The following NLGN3 variants were observed in gnomAD, a reference collection of about 807,000 sequenced individuals.
NLGN3 encodes neuroligin 3.
A neutral mutation model predicts 42.9 loss-of-function variants in NLGN3; 11 were observed. The observed-to-expected ratio is 0.26, with a 90% CI of 0.16 to 0.42. The LOEUF is 0.42. NLGN3 is among the 10% of genes least tolerant of loss of function. The pLI is 1.00. For synonymous variants in NLGN3, 279 were observed against 312.7 expected, an observed-to-expected ratio of 0.89 and a Z score of 1.14; for missense variants, 374 against 733.8, an observed-to-expected ratio of 0.51 and a Z score of 5.67.
intron 5 of NLGN3, among the ~76,000 whole-genome samples, chrX:71,156,553 A>G (rs2092409846): frequency 9.1e-6 from 1 of 109,984 alleles, no homozygotes; most frequent in African/African-American, 3.3e-5. Flanking sequence ...TACAGCCTGT[A>G]TATGTACACC....
intron 5 of NLGN3, among the ~76,000 whole-genome samples, chrX:71,160,035 G>C (rs1163524183): frequency 9.6e-6 from 1 of 103,659 alleles, no homozygotes; most frequent in Non-Finnish European, 2.0e-5. Flanking sequence ...TGCACCCGGC[G>C]GGGAATTTTC....
downstream of NLGN3, among the ~76,000 whole-genome samples, chrX:71,173,637 G>A (rs2092474461): frequency 8.9e-6 from 1 of 112,593 alleles, no homozygotes; most frequent in African/African-American, 3.2e-5. Context: ...ATCTGAATTT[G>A]TAGTGTGTGT....
chrX:71,168,853 GAAAGAAAGAAAGAAAGAGAA>G (rs1569485686), intron 7 of NLGN3, among the ~76,000 whole-genome samples: 25 of 85,104 alleles, frequency 2.9e-4, no homozygotes, highest in African/African-American at 1.6e-3. Context: ...AAGAAAGAAA[GAAAGAAAGAAAGAAAGAGAA>G]AGAAAAGAAA....
downstream of NLGN3, among the ~76,000 whole-genome samples, chrX:71,174,190 T>G (rs1313176307): frequency 8.9e-6 from 1 of 111,993 alleles, no homozygotes; most frequent in Non-Finnish European, 1.9e-5. Flanking sequence ...AAGGACAAGG[T>G]GAACACCAGA....
At chrX:71,151,715 A>G (rs958858765) in intron 3 of NLGN3, among the ~76,000 whole-genome samples, 2 of 112,357 alleles carry the variant, frequency 1.8e-5, no homozygotes, top group African/African-American at 6.5e-5. Flanking sequence ...AGAGGGATTC[A>G]CAAGGGACTT....
rs551564915 is a variant in NLGN3, at chrX:71,168,825, GAA to G, written c.1704-427_1704-426del. Among the ~76,000 whole-genome samples, 72 of 37,922 alleles carry G rather than the reference GAA, an allele frequency of 1.9e-3. 1 individual carries two copies. The highest frequency in any genetic ancestry group is 8.5e-3 in the African/African-American group (67 of 7,926). 32.9% of individuals were successfully genotyped at this position (37,922 alleles called of 115,157 possible). A position where few individuals can be genotyped will look rare whatever the true frequency, so the allele number is the denominator to read the frequency against. The stretch of plus-strand genomic sequence containing the variant: ...GAAAGAAAGAAAGAGAAAAAAAAAA[GAA>G]AGAAAGAAAGAAAGAAAGAAAGAAA... On this transcript the variant is annotated intron_variant, in intron 7 of 7. Transcript: ENST00000358741.
chrX:71,150,695 C>G (rs1160434587), intron 3 of NLGN3, among the ~76,000 whole-genome samples: 9 of 93,152 alleles, frequency 9.7e-5, no homozygotes, highest in Non-Finnish European at 1.7e-4. Context: ...GAGCGAGACT[C>G]CATCTCAAAA....
At position 71,169,931 on chromosome X, in the gene NLGN3, T is replaced by A. The variant is rs1360729193; in HGVS notation, c.2381T>A (p.Leu794Gln). Residue 794 changes from leucine to glutamine, a missense_variant, in exon 8 of 8, where the codon CTG (leucine) becomes CAG (glutamine). Around this residue, in one of 6 missense-constraint regions of NLGN3, gnomAD observed 92 missense variants for 108.0 expected, o/e 0.85. Coordinates refer to ENST00000358741, the MANE Select transcript of NLGN3 (RefSeq NM_181303.2). ...CTCACTGCATTGCCCGACTACACCC[T>A]GACCCTGCGGCGCTCCCCGGATGAC... ...LRLTALPDYT[L>Q]TLRRSPDDIP... 1 of 1,201,013 alleles carries A rather than the reference T, an allele frequency of 8.3e-7. No homozygotes were observed. The highest frequency in any genetic ancestry group is 1.1e-6 in the Non-Finnish European group (1 of 890,961).
intron 7 of NLGN3, among the ~76,000 whole-genome samples, chrX:71,168,968 C>A (rs1285133667): frequency 9.1e-6 from 1 of 109,840 alleles, no homozygotes; most frequent in Non-Finnish European, 1.9e-5. Flanking sequence ...TATTAGGGGG[C>A]TCCTGGCAAA....
intron 5 of NLGN3, among the ~76,000 whole-genome samples, chrX:71,159,020 G>A (rs369690607): frequency 9.0e-6 from 1 of 110,800 alleles, no homozygotes; most frequent in Non-Finnish European, 1.9e-5. Context: ...ATGCATGTGC[G>A]CACACACACA....
intron 2 of NLGN3, 120 bp from the exon 3 acceptor site, chrX:71,148,726 C>A: frequency 1.8e-6 from 1 of 548,288 alleles, no homozygotes; most frequent in Non-Finnish European, 2.8e-6. Flanking sequence ...GATGGTGGGA[C>A]AGGCTCTCTG....
Position 71,169,971 on chromosome X carries a change from C to A in NLGN3, c.2421C>A (p.Thr807=). 8.3e-7 allele frequency: 1 copy of A among 1,208,622 alleles called. No homozygotes were observed. Among genetic ancestry groups the A allele is most frequent in the Non-Finnish European group, 1.1e-6 (1 of 894,070 alleles). The change falls in exon 8 of 8, where the codon ACC becomes ACA. Residue 807 remains threonine, a synonymous_variant. Transcript: ENST00000358741. The part of the protein sequence containing the change: ...RRSPDDIPLM[T]PNTITMIPNS... ...CCCCGGATGACATCCCACTCATGACCCCCAACACCATCACTATGATCCCCA... is the reference window on the plus strand; with the variant it reads ...CCCCGGATGACATCCCACTCATGACACCCAACACCATCACTATGATCCCCA...
At chrX:71,146,811 A>T (rs943090933) in intron 1 of NLGN3, among the ~76,000 whole-genome samples, 2 of 111,452 alleles carry the variant, frequency 1.8e-5, no homozygotes, top group Non-Finnish European at 3.8e-5. Context: ...TGTTTATTTT[A>T]TAATACACCG....
chrX:71,161,276 G>A lies in NLGN3; in HGVS notation c.728-2867G>A, dbSNP rs910570019. Reference sequence around the variant, plus strand: ...ATTACAGTCACATGCCACCAAGCCCGGCTAATTTTGTATTTTTAGTAGAGA... The same window carrying A: ...ATTACAGTCACATGCCACCAAGCCCAGCTAATTTTGTATTTTTAGTAGAGA... On this transcript the variant is annotated intron_variant, in intron 5 of 7. Transcript: ENST00000358741. Among the ~76,000 whole-genome samples, 4 of 108,189 alleles carry A rather than the reference G, an allele frequency of 3.7e-5. No homozygotes were observed. In the South Asian group the frequency reaches 1.7e-3, roughly 45 times the overall value. The allele number at this position is 108,189 out of a possible 115,157, so 93.9% of individuals were successfully genotyped here.
At position 71,155,242 on chromosome X, in the gene NLGN3, C is replaced by A; in HGVS notation, c.606C>A (p.Val202=). 8.3e-7 allele frequency: 1 copy of A among 1,211,943 alleles called. No homozygotes were observed. Among genetic ancestry groups the A allele is most frequent in the Non-Finnish European group, 1.1e-6 (1 of 895,456 alleles). ...EDIRDSGAKP[V]MVYIHGGSYM... is the part of the protein sequence containing the mutation. ...TCCGGGACAGTGGTGCTAAACCCGT[C>A]ATGGTCTACATCCACGGAGGCTCTT... Residue 202 remains valine (V), a synonymous_variant, in exon 5 of 8, where the codon GTC becomes GTA. Transcript: ENST00000358741.
chrX:71,151,849 G>A (rs908218304), intron 3 of NLGN3, among the ~76,000 whole-genome samples: 2 of 112,002 alleles, frequency 1.8e-5, no homozygotes, highest in South Asian at 3.7e-4. Flanking sequence ...ATTCCTTCCC[G>A]TTTGGTAGGC....
At position 71,170,866 on chromosome X, in the gene NLGN3, A is replaced by C. The variant is rs773908286; in HGVS notation, c.*769A>C. ...CCTGCAGGGTGACCTGCTTCCCCAA[A>C]GGCCAACAGCATTGGCCTGGCCAGA... On this transcript the variant is annotated 3_prime_UTR_variant, in exon 8 of 8. Coordinates refer to ENST00000358741, the MANE Select transcript of NLGN3 (RefSeq NM_181303.2). The C allele has an allele frequency of 2.1e-5, 16 of 754,188 alleles. No homozygotes were observed. The highest frequency in any genetic ancestry group is 2.5e-5 in the Non-Finnish European group (16 of 639,816). The allele number at this position is 754,188 out of a possible 1,213,427, so 62.2% of individuals were successfully genotyped here.
At chrX:71,172,299 G>A (rs1304540282), downstream of NLGN3, among the ~76,000 whole-genome samples, 1 of 111,393 alleles carries the variant, frequency 9.0e-6, no homozygotes, top group East Asian at 2.8e-4. Context: ...TGGAGGATCT[G>A]AGAAGTCATC....
chrX:71,146,172 G>GACACACAC (rs1168453634), intron 1 of NLGN3, among the ~76,000 whole-genome samples: 1,097 of 38,162 alleles, frequency 0.029, 58 homozygotes, highest in Non-Finnish European at 0.034. Flanking sequence ...CACACACACA[G>GACACACAC]ACACACACAC....
Sources: gnomAD v4.1 joint callset for allele counts (sites outside exome capture counted in the v4.1 genomes callset) on GRCh38, gnomAD v4.1.1 for gene constraint, gnomAD v4.1.1 regional missense constraint, MANE v1.5 for transcripts, NCBI Gene and HGNC (gene_info 2026-07-23, HGNC 2026-07-21) for gene names.